The following CHST15 variants were observed in gnomAD, a reference collection of about 807,000 sequenced individuals.
The protein encoded by CHST15 is carbohydrate sulfotransferase 15.
Under a neutral mutation model 53.6 loss-of-function variants are expected in CHST15, and 30 were observed. The observed-to-expected ratio is 0.56, with a 90% CI of 0.42 to 0.76. The LOEUF (loss-of-function observed/expected upper bound fraction) is 0.76, where lower values mean the gene tolerates loss of function less well. Ranked by LOEUF, CHST15 falls within the 30% of genes least tolerant of loss-of-function variation. CHST15 has a pLI of 0.00. For missense variants in CHST15, 627 were observed against 740.5 expected (o/e 0.85, Z 1.78); for synonymous variants, 296 against 289.8 (o/e 1.02, Z -0.22).
intron 7 of CHST15, chr10:124,011,012 T>A (rs1225124284): frequency 1.0e-6 from 1 of 971,752 alleles, no homozygotes; most frequent in Non-Finnish European, 1.2e-6. Context: ...CTGGCAGAGG[T>A]TGTCAGTCAC....
intron 1 of CHST15, among the ~76,000 whole-genome samples, chr10:124,056,655 C>T (rs992573786): frequency 2.0e-5 from 3 of 152,262 alleles, no homozygotes; most frequent in African/African-American, 7.2e-5. Context: ...AGGAATGGAA[C>T]TGGCCCCATG....
At chr10:124,086,215 C>T (rs141698626) in intron 1 of CHST15, among the ~76,000 whole-genome samples, 284 of 152,328 alleles carry the variant, frequency 1.9e-3, no homozygotes, top group African/African-American at 6.3e-3. Flanking sequence ...ACAACAACAC[C>T]GATTTGACAC....
intron 5 of CHST15, among the ~76,000 whole-genome samples, chr10:124,028,633 C>G (rs1947103055): frequency 6.6e-6 from 1 of 152,196 alleles, no homozygotes; most frequent in Non-Finnish European, 1.5e-5. Context: ...GGACTCATGT[C>G]AGAAGTCACT....
At chr10:124,011,358 T>C in intron 7 of CHST15, 1 of 977,090 alleles carries the variant, frequency 1.0e-6, no homozygotes, top group South Asian at 4.7e-5. Context: ...AGAGTCAACA[T>C]GTGGTCAAAT....
Position 124,046,264 on chromosome 10 carries a change from C to T in CHST15, c.-52G>A. ...GCTTACCGAGCCATGGGTGGGCCCC[C>T]CACGAGTCTGGATGTCCGCAAGTCG... is the stretch of plus-strand genomic sequence containing the variant. On this transcript the variant is annotated 5_prime_UTR_variant, in exon 2 of 8. Transcript: ENST00000435907. 6.6e-7 allele frequency: 1 copy of T among 1,516,160 alleles called. No homozygotes were observed. Among genetic ancestry groups the T allele is most frequent in the Non-Finnish European group, 8.8e-7 (1 of 1,130,066 alleles). 93.9% of individuals were successfully genotyped at this position (1,516,160 alleles called of 1,614,324 possible).
At position 124,038,810 on chromosome 10, in the gene CHST15, G is replaced by A. The variant is rs547583685; in HGVS notation, c.1034-139C>T. 4.8e-4 allele frequency: 403 copies of A among 835,062 alleles called. 4 individuals carry two copies. The East Asian group carries it at 0.01, about 21-fold the overall frequency. The allele number at this position is 835,062 out of a possible 1,614,324, so 51.7% of individuals were successfully genotyped here. On this transcript the variant is annotated intron_variant, in intron 4 of 7. Coordinates refer to ENST00000435907, the MANE Select transcript of CHST15 (RefSeq NM_001270764.2). ...GAGGCCAAGCTGTCAGCCTTTGCGGGCATCTGGGACTCCAAAGAGAGAAGG... is the reference window on the plus strand; with the variant it reads ...GAGGCCAAGCTGTCAGCCTTTGCGGACATCTGGGACTCCAAAGAGAGAAGG...
rs34716969 is a variant in CHST15 at position 124,074,673 on chromosome 10, G to A, written c.-513+18796C>T. On this transcript the variant is annotated intron_variant, in intron 1 of 7. Coordinates refer to ENST00000435907, the MANE Select transcript of CHST15 (RefSeq NM_001270764.2). This position sits in a 1 kb window ranked among gnomAD's most constrained non-coding sequence, Gnocchi z 4.4. Reference sequence around the variant, plus strand: ...CGCGCCTCTGCCAGACTGGGCTCACGGCATCAGCAAACTTGCTCATAGACC... The same window carrying A: ...CGCGCCTCTGCCAGACTGGGCTCACAGCATCAGCAAACTTGCTCATAGACC... 0.022 allele frequency among the ~76,000 whole-genome samples: 3,306 copies of A among 152,220 alleles called. 50 individuals carry two copies. Among genetic ancestry groups the A allele is most frequent in the Non-Finnish European group, 0.034 (2,296 of 68,008 alleles).
chr10:124,083,706 T>C (rs1949325604), intron 1 of CHST15, among the ~76,000 whole-genome samples: 1 of 152,224 alleles, frequency 6.6e-6, no homozygotes, highest in Non-Finnish European at 1.5e-5. Flanking sequence ...TTCCCCCTCA[T>C]TTATTCCCAC....
At chr10:124,037,908 C>T (rs1243256946) in intron 5 of CHST15, among the ~76,000 whole-genome samples, 2 of 152,166 alleles carry the variant, frequency 1.3e-5, no homozygotes, top group African/African-American at 2.4e-5. Flanking sequence ...GTGTTTCCCT[C>T]GCCTTGACAG....
chr10:124,015,238 G>T (rs60761648), intron 6 of CHST15, among the ~76,000 whole-genome samples: 3 of 151,910 alleles, frequency 2.0e-5, no homozygotes, highest in African/African-American at 7.2e-5. Flanking sequence ...ACCTTTTCCC[G>T]GTATAGGACA....
intron 6 of CHST15, among the ~76,000 whole-genome samples, chr10:124,015,578 C>A (rs1020106885): frequency 6.6e-6 from 1 of 151,984 alleles, no homozygotes; most frequent in Non-Finnish European, 1.5e-5. Flanking sequence ...GGTACCAGGC[C>A]GAGCCTCTCC....
At position 124,011,095 on chromosome 10, in the gene CHST15, C is replaced by CCCCGCCCTCTGGAGT. The variant is rs1946404743; in HGVS notation, c.1496-771_1496-757dup. On this transcript the variant is annotated intron_variant, in intron 7 of 7. Transcript: ENST00000435907. ...GGAGGGGCTGTCAGTCACGCACACG[C>CCCCGCCCTCTGGAGT]CCCGCCCTCTGGAGTGAGAGGCCCT... 7 of 983,540 alleles carry CCCCGCCCTCTGGAGT rather than the reference C, an allele frequency of 7.1e-6. No individual in the cohort carries two copies. The Admixed American group carries it at 4.3e-4, about 61-fold the overall frequency. The allele number at this position is 983,540 out of a possible 1,614,324, so 60.9% of individuals were successfully genotyped here.
chr10:124,067,557 A>G (rs900239321), intron 1 of CHST15, among the ~76,000 whole-genome samples: 2 of 152,256 alleles, frequency 1.3e-5, no homozygotes, highest in Non-Finnish European at 2.9e-5. Flanking sequence ...AATTAAGCTT[A>G]TAAGTGGAAG....
chr10:124,087,709 A>AC (rs1010745082), intron 1 of CHST15, among the ~76,000 whole-genome samples: 121 of 103,918 alleles, frequency 1.2e-3, no homozygotes, highest in East Asian at 4.0e-3. Flanking sequence ...AGGAGCCCCC[A>AC]CCCCCCCGCC....
At chr10:124,062,449 C>T (rs959818934) in intron 1 of CHST15, among the ~76,000 whole-genome samples, 1 of 152,198 alleles carries the variant, frequency 6.6e-6, no homozygotes. Context: ...TGTGTGCCCT[C>T]GGGCAAACTG....
At chr10:124,083,850 A>G (rs962980902) in intron 1 of CHST15, among the ~76,000 whole-genome samples, 1 of 152,164 alleles carries the variant, frequency 6.6e-6, no homozygotes, top group Admixed American at 6.5e-5. Flanking sequence ...TTCTTTATTA[A>G]AAACTGTGAC....
Position 124,038,673 on chromosome 10 carries a change from T to A in CHST15, c.1034-2A>T. On this transcript the variant is annotated splice_acceptor_variant, in intron 4 of 7. Transcript: ENST00000435907. LOFTEE classifies it high-confidence loss of function. ...ACATCGTGGAGGCACTGGCCTCCCC[T>A]GGAAACAGAAAACACTCCAAGTGAG... is the stretch of plus-strand genomic sequence containing the variant. 1 of 1,613,852 alleles carries A rather than the reference T, an allele frequency of 6.2e-7. No individual in the cohort carries two copies. Among genetic ancestry groups the A allele is most frequent in the Non-Finnish European group, 8.5e-7 (1 of 1,179,844 alleles).
chr10:124,026,717 G>A (rs567035787), intron 5 of CHST15, among the ~76,000 whole-genome samples: 29 of 152,260 alleles, frequency 1.9e-4, no homozygotes, highest in Admixed American at 3.3e-4. Context: ...GGCAGCTCAC[G>A]GCCTCAGCGG....
chr10:124,030,300 C>T (rs755564016), intron 5 of CHST15, among the ~76,000 whole-genome samples: 1 of 152,178 alleles, frequency 6.6e-6, no homozygotes, highest in African/African-American at 2.4e-5. Flanking sequence ...TTAAAGTGAC[C>T]TCGTGCCGCT....
Sources: gnomAD v4.1 joint callset for allele counts (sites outside exome capture counted in the v4.1 genomes callset) on GRCh38, gnomAD v4.1.1 for gene constraint, Gnocchi (gnomAD v3.1) non-coding constraint, MANE v1.5 for transcripts, NCBI Gene and HGNC (gene_info 2026-07-23, HGNC 2026-07-21) for gene names.